The following KCNH1 variants were observed in gnomAD, a reference collection of about 807,000 sequenced individuals.
KCNH1 encodes potassium voltage-gated channel subfamily H member 1, also known as voltage-gated delayed rectifier potassium channel KCNH1.
A neutral mutation model predicts 69.2 loss-of-function variants in KCNH1; 27 were observed. That is an observed-to-expected ratio of 0.39 (90% CI 0.29 to 0.54). The LOEUF (loss-of-function observed/expected upper bound fraction) is 0.54. Among genes scored for constraint, KCNH1 ranks in the 20% least tolerant of loss-of-function variants. KCNH1 has a pLI of 0.68. For synonymous variants in KCNH1, 456 were observed against 487.7 expected (o/e 0.93, Z 0.86); for missense variants, 798 against 1,261.6 (o/e 0.63, Z 5.57).
intron 7 of KCNH1, among the ~76,000 whole-genome samples, chr1:210,867,330 T>TACAC (rs57696942): frequency 0.029 from 4,230 of 144,132 alleles, 152 homozygotes; most frequent in East Asian, 0.13. Flanking sequence ...TGTATATGTT[T>TACAC]ACACACACAC....
chr1:211,009,288 T>C (rs775390278), intron 6 of KCNH1, among the ~76,000 whole-genome samples: 1 of 152,122 alleles, frequency 6.6e-6, no homozygotes, highest in Non-Finnish European at 1.5e-5. Context: ...AGTGACAAGG[T>C]TGAAAACCTG....
chr1:210,885,435 G>A (rs1371971709), intron 7 of KCNH1, among the ~76,000 whole-genome samples: 1 of 152,174 alleles, frequency 6.6e-6, no homozygotes, highest in Non-Finnish European at 1.5e-5. Flanking sequence ...ATTCCCTCAG[G>A]TGCCTATACC....
intron 7 of KCNH1, among the ~76,000 whole-genome samples, chr1:210,912,411 A>C (rs1687252860): frequency 6.6e-6 from 1 of 152,170 alleles, no homozygotes; most frequent in Non-Finnish European, 1.5e-5. Context: ...TTTTCTAAAA[A>C]GCTTTGTATC....
At chr1:210,864,336 C>T (rs1418726156) in intron 7 of KCNH1, among the ~76,000 whole-genome samples, 1 of 152,188 alleles carries the variant, frequency 6.6e-6, no homozygotes, top group Admixed American at 6.5e-5. Flanking sequence ...CATTGCAGGA[C>T]TGAGGTCCAC....
intron 5 of KCNH1, among the ~76,000 whole-genome samples, chr1:211,036,851 C>G (rs987072584): frequency 2.6e-5 from 4 of 152,190 alleles, no homozygotes; most frequent in African/African-American, 9.6e-5. Flanking sequence ...CCCAGTCAGA[C>G]TGGGAGTTCC....
intron 6 of KCNH1, among the ~76,000 whole-genome samples, chr1:210,953,360 G>A (rs746531168): frequency 1.3e-5 from 2 of 152,140 alleles, no homozygotes; most frequent in East Asian, 1.9e-4. Flanking sequence ...CAGCACCCAC[G>A]TGGGCTGTTC....
chr1:210,966,037 T>C (rs1454303320), intron 6 of KCNH1, among the ~76,000 whole-genome samples: 1 of 152,028 alleles, frequency 6.6e-6, no homozygotes. Context: ...AAAACAGATA[T>C]ACAGACCAAT....
At chr1:210,975,334 C>T (rs147249919) in intron 6 of KCNH1, among the ~76,000 whole-genome samples, 11,973 of 152,234 alleles carry the variant, frequency 0.079, 669 homozygotes, top group South Asian at 0.18. Context: ...CATCACACTA[C>T]CTGACTTCAA....
chr1:211,127,397 A>T (rs1021180349), intron 1 of KCNH1, among the ~76,000 whole-genome samples: 5 of 150,038 alleles, frequency 3.3e-5, no homozygotes, highest in African/African-American at 5.0e-5. Flanking sequence ...TCAAATTAAG[A>T]AAATGAATAT....
intron 5 of KCNH1, among the ~76,000 whole-genome samples, chr1:211,068,431 T>C (rs947942581): frequency 6.6e-6 from 1 of 152,196 alleles, no homozygotes; most frequent in African/African-American, 2.4e-5. Context: ...AGTCTTGCTC[T>C]GTCGCCCAGG....
At chr1:211,103,652 T>G (rs774325406) in intron 2 of KCNH1, 50 bp from the exon 3 acceptor site, 3 of 1,165,778 alleles carry the variant, frequency 2.6e-6, no homozygotes, top group Non-Finnish European at 3.8e-6. Context: ...TTCATTATTC[T>G]ACAAGCATAT....
chr1:210,773,530 C>T (rs574058908), intron 10 of KCNH1, among the ~76,000 whole-genome samples: 6 of 152,292 alleles, frequency 3.9e-5, no homozygotes, highest in African/African-American at 1.4e-4. Context: ...GGGGTAGCCC[C>T]GTGACAGGCA....
intron 3 of KCNH1, among the ~76,000 whole-genome samples, chr1:211,100,665 A>G (rs1048496174): frequency 2.6e-5 from 4 of 152,090 alleles, no homozygotes; most frequent in Admixed American, 6.5e-5. Flanking sequence ...ATGTATTTAT[A>G]TATTTATTTA....
chr1:211,001,856 C>T (rs978263532), intron 6 of KCNH1, among the ~76,000 whole-genome samples: 2 of 147,990 alleles, frequency 1.4e-5, no homozygotes, highest in Non-Finnish European at 3.0e-5. Context: ...AGTTCATGTC[C>T]TTTGTAGGGA....
At chr1:210,748,638 G>T (rs1254261599) in intron 10 of KCNH1, among the ~76,000 whole-genome samples, 1 of 152,164 alleles carries the variant, frequency 6.6e-6, no homozygotes, top group Non-Finnish European at 1.5e-5. Flanking sequence ...AATAAGCACA[G>T]CCCCTTTCCA....
intron 7 of KCNH1, among the ~76,000 whole-genome samples, chr1:210,907,238 C>T (rs1574330960): frequency 6.6e-6 from 1 of 152,088 alleles, no homozygotes; most frequent in Non-Finnish European, 1.5e-5. Flanking sequence ...GGTTATATCT[C>T]CAAGTAGTCA....
rs114191245 is a variant in KCNH1, at chr1:210,724,068, G to A, written c.2113-39930C>T. On this transcript the variant is annotated intron_variant, in intron 10 of 10. Coordinates refer to ENST00000271751, the MANE Select transcript of KCNH1 (RefSeq NM_172362.3). ...ATTTAGAAATGTGACAATAATAGTA[G>A]TCATCATTTACTGAACAGACTTTAC... Among the ~76,000 whole-genome samples the A allele has an allele frequency of 6.1e-3, 936 of 152,260 alleles. 7 individuals carry two copies. Among genetic ancestry groups the A allele is most frequent in the African/African-American group, 0.021 (885 of 41,544 alleles).
intron 10 of KCNH1, among the ~76,000 whole-genome samples, chr1:210,719,475 CAT>C (rs1237308652): frequency 6.6e-6 from 1 of 152,160 alleles, no homozygotes; most frequent in Non-Finnish European, 1.5e-5. Context: ...TGTTCTCACT[CAT>C]AAGTGGGAGT....
intron 7 of KCNH1, among the ~76,000 whole-genome samples, chr1:210,916,937 CA>C (rs1347095108): frequency 7.2e-5 from 11 of 151,994 alleles, no homozygotes; most frequent in Non-Finnish European, 1.6e-4. Context: ...CACCTGAGGT[CA>C]GGAGTTCAAG....
Sources: gnomAD v4.1 joint callset for allele counts (sites outside exome capture counted in the v4.1 genomes callset) on GRCh38, gnomAD v4.1.1 for gene constraint, MANE v1.5 for transcripts, NCBI Gene and HGNC (gene_info 2026-07-23, HGNC 2026-07-21) for gene names.